The following GNAQ variants were observed in gnomAD, a reference collection of about 807,000 sequenced individuals.
The protein encoded by GNAQ is G protein subunit alpha q.
GNAQ carries 8 observed loss-of-function variants against 43.9 expected under a neutral mutation model. The observed-to-expected ratio is 0.18, with a 90% CI of 0.11 to 0.33. The LOEUF (loss-of-function observed/expected upper bound fraction) is 0.33. GNAQ is among the 10% of genes least tolerant of loss of function. The pLI is 1.00. For synonymous variants in GNAQ, 155 were observed against 170.7 expected, an observed-to-expected ratio of 0.91 and a Z score of 0.71; for missense variants, 158 against 450.8, an observed-to-expected ratio of 0.35 and a Z score of 5.88.
chr9:77,807,489 A>G (rs1826847209), intron 3 of GNAQ, among the ~76,000 whole-genome samples: 1 of 152,140 alleles, frequency 6.6e-6, no homozygotes, highest in Non-Finnish European at 1.5e-5. Flanking sequence ...CTCAATGAAC[A>G]TTTCTGGTCA....
chr9:77,724,252 A>G (rs1825363593), intron 6 of GNAQ, among the ~76,000 whole-genome samples: 1 of 151,964 alleles, frequency 6.6e-6, no homozygotes, highest in African/African-American at 2.4e-5. Flanking sequence ...GTGCAGTGCC[A>G]TGATCTTGGC....
intron 1 of GNAQ, among the ~76,000 whole-genome samples, chr9:77,961,888 G>A (rs1823111032): frequency 6.6e-6 from 1 of 152,150 alleles, no homozygotes; most frequent in African/African-American, 2.4e-5. Flanking sequence ...AGACCCAGAA[G>A]ACAAGGATGT....
intron 2 of GNAQ, among the ~76,000 whole-genome samples, chr9:77,819,775 A>G (rs573884921): frequency 2.7e-5 from 3 of 111,706 alleles, no homozygotes; most frequent in East Asian, 4.7e-4. Flanking sequence ...TCCTAAATGG[A>G]CTGTGGAAAA....
intron 2 of GNAQ, among the ~76,000 whole-genome samples, chr9:77,835,062 C>T (rs1193967145): frequency 3.9e-5 from 6 of 152,012 alleles, no homozygotes; most frequent in Admixed American, 3.9e-4. Context: ...ACATTTTTTC[C>T]TATACATACG....
intron 1 of GNAQ, among the ~76,000 whole-genome samples, chr9:77,985,429 G>A (rs1210005498): frequency 6.6e-6 from 1 of 152,136 alleles, no homozygotes; most frequent in Non-Finnish European, 1.5e-5. Context: ...TTAATTGTGA[G>A]CAGTCACTGT....
At position 78,031,205 on chromosome 9, in the gene GNAQ, G is replaced by C; in HGVS notation, c.31C>G (p.Leu11Val). 6.4e-7 allele frequency: 1 copy of C among 1,550,698 alleles called. No individual in the cohort carries two copies. Among genetic ancestry groups the C allele is most frequent in the Non-Finnish European group, 8.7e-7 (1 of 1,148,268 alleles). MTLESIMACC[L>V]SEEAKEARRI... ...CGGGCTTCCTTGGCCTCCTCGCTCA[G>C]GCAGCACGCCATGATGGACTCCAGA... Residue 11 changes from leucine to valine, a missense_variant, in exon 1 of 7, where the codon CTG becomes GTG. Physicochemically the swap from Leu to Val is conservative, Grantham distance 32. This residue lies in a region of GNAQ where 12 missense variants were observed against 18.9 expected (regional missense o/e 0.64). Transcript: ENST00000286548.
At chr9:77,949,062 G>C (rs10116337) in intron 1 of GNAQ, among the ~76,000 whole-genome samples, 2,178 of 152,254 alleles carry the variant, frequency 0.014, 62 homozygotes, top group African/African-American at 0.05. Flanking sequence ...TACTGAAGCA[G>C]CCACCTTCTT....
intron 3 of GNAQ, among the ~76,000 whole-genome samples, chr9:77,807,025 G>A (rs1262112700): frequency 3.9e-5 from 6 of 152,166 alleles, no homozygotes; most frequent in Admixed American, 3.9e-4. Context: ...TATTGCTTCT[G>A]TGAGATTAGA....
intron 1 of GNAQ, among the ~76,000 whole-genome samples, chr9:77,990,218 T>A (rs1230948501): frequency 6.6e-6 from 1 of 152,156 alleles, no homozygotes; most frequent in Non-Finnish European, 1.5e-5. Flanking sequence ...GATCTTTTAT[T>A]TTATTGTATT....
At chr9:77,877,793 C>A (rs146820375) in intron 2 of GNAQ, among the ~76,000 whole-genome samples, 3 of 152,118 alleles carry the variant, frequency 2.0e-5, no homozygotes, top group African/African-American at 7.2e-5. Context: ...ACAACGCAGA[C>A]CCATCTGCAA....
At chr9:77,937,869 GC>G (rs1829255356) in intron 1 of GNAQ, among the ~76,000 whole-genome samples, 1 of 152,122 alleles carries the variant, frequency 6.6e-6, no homozygotes, top group African/African-American at 2.4e-5. Flanking sequence ...TCCAGTCTGG[GC>G]AACAAGAGTG....
At chr9:77,773,490 A>C (rs1322585983) in intron 5 of GNAQ, among the ~76,000 whole-genome samples, 1 of 152,186 alleles carries the variant, frequency 6.6e-6, no homozygotes, top group Non-Finnish European at 1.5e-5. Context: ...ATTATGAGGG[A>C]GGCACAGTGA....
rs1407219940 is a variant in GNAQ at position 77,926,430 on chromosome 9, T to A, written c.137-4085A>T. On this transcript the variant is annotated intron_variant, in intron 1 of 6. Transcript: ENST00000286548. ...CTGAATGAAAAAAAGCAGACTTTTCTACTAGTAGATTATTTCAAGAATGCA... is the reference window on the plus strand; with the variant it reads ...CTGAATGAAAAAAAGCAGACTTTTCAACTAGTAGATTATTTCAAGAATGCA... Among the ~76,000 whole-genome samples, 6 of 152,210 alleles carry A rather than the reference T, an allele frequency of 3.9e-5. 1 individual carries two copies. Among genetic ancestry groups the A allele is most frequent in the Non-Finnish European group, 2.9e-5 (2 of 68,024 alleles).
chr9:77,843,442 C>T (rs1827524255), intron 2 of GNAQ, among the ~76,000 whole-genome samples: 1 of 152,178 alleles, frequency 6.6e-6, no homozygotes, highest in Admixed American at 6.5e-5. Context: ...TTCTTTATTC[C>T]TTTCACAGAG....
intron 5 of GNAQ, among the ~76,000 whole-genome samples, chr9:77,790,325 A>G (rs539922718): frequency 6.6e-6 from 1 of 152,346 alleles, no homozygotes; most frequent in East Asian, 1.9e-4. Context: ...TGTTATCTGA[A>G]GAAAATTCCC....
At chr9:77,745,683 G>A (rs998005937) in intron 5 of GNAQ, among the ~76,000 whole-genome samples, 6 of 150,790 alleles carry the variant, frequency 4.0e-5, no homozygotes, top group African/African-American at 1.2e-4. Context: ...AATTTCTCAG[G>A]AAGTAGAAAA....
intron 2 of GNAQ, among the ~76,000 whole-genome samples, chr9:77,912,130 TCTA>T (rs1828818209): frequency 6.6e-6 from 1 of 152,192 alleles, no homozygotes; most frequent in Admixed American, 6.6e-5. Flanking sequence ...CTGAGTGACT[TCTA>T]CTGCTGCCCA....
chr9:78,018,165 A>T (rs1823862005), intron 1 of GNAQ, among the ~76,000 whole-genome samples: 1 of 151,318 alleles, frequency 6.6e-6, no homozygotes, highest in Admixed American at 6.6e-5. Context: ...CATTGGGAGA[A>T]ACCTAAATGT....
At chr9:77,764,617 G>A (rs1269062884) in intron 5 of GNAQ, among the ~76,000 whole-genome samples, 1 of 151,974 alleles carries the variant, frequency 6.6e-6, no homozygotes. Flanking sequence ...CACCATGCCC[G>A]GCTAATTTTT....
Sources: allele counts gnomAD v4.1 joint callset (sites outside exome capture counted in the v4.1 genomes callset), GRCh38; gene constraint gnomAD v4.1.1; regional missense constraint gnomAD v4.1.1; transcripts MANE v1.5; gene names NCBI Gene and HGNC (gene_info 2026-07-23, HGNC 2026-07-21).